Variants in NSD1 observed in about 807,000 individuals in gnomAD.
The protein encoded by NSD1 is nuclear receptor binding SET domain protein 1, also known as histone-lysine N-methyltransferase, H3 lysine-36 specific.
In NSD1, 26 loss-of-function variants were observed where a neutral mutation model predicts 242.7. The ratio of observed to expected loss-of-function variants is 0.11; its 90% CI spans 0.08 to 0.15. The LOEUF (loss-of-function observed/expected upper bound fraction) is 0.15, where lower values mean the gene tolerates loss of function less well. NSD1 is among the 10% of genes least tolerant of loss of function. The pLI is 1.00. For missense variants in NSD1, 2,495 were observed against 3,272.8 expected (o/e 0.76, Z 5.80); for synonymous variants, 1,106 against 1,178.1 (o/e 0.94, Z 1.25).
chr5:177,173,397 G>T (rs142287577), intron 2 of NSD1, among the ~76,000 whole-genome samples: 2 of 150,398 alleles, frequency 1.3e-5, no homozygotes, highest in East Asian at 3.9e-4. Context: ...CTTTTGTGCT[G>T]TGATGGGAGG....
At chr5:177,273,974 G>A (rs949710770) in intron 17 of NSD1, among the ~76,000 whole-genome samples, 190 bp downstream of exon 17, 8 of 152,182 alleles carry the variant, frequency 5.3e-5, no homozygotes, top group African/African-American at 1.4e-4. Context: ...GGGAGGCCGA[G>A]GCGGGCGGAT....
rs549367419 is a variant in NSD1, at chr5:177,232,561, T to TAG, written c.3797-3259_3797-3258insGA. 1.2e-4 allele frequency among the ~76,000 whole-genome samples: 18 copies of TAG among 152,322 alleles called. No homozygotes were observed. In the South Asian group the frequency reaches 3.3e-3, roughly 28 times the overall value. On this transcript the variant is annotated intron_variant, in intron 5 of 22. Transcript: ENST00000439151. ...CTTCCATCACCCTTCAGCTTAGATGTATCTTTTGCATGCACAGCCGGATTT... is the reference window on the plus strand; with the variant it reads ...CTTCCATCACCCTTCAGCTTAGATGTAGATCTTTTGCATGCACAGCCGGATTT...
At chr5:177,221,423 A>G (rs1218594357) in intron 5 of NSD1, among the ~76,000 whole-genome samples, 1 of 151,830 alleles carries the variant, frequency 6.6e-6, no homozygotes, top group Non-Finnish European at 1.5e-5. Context: ...ACAGTAATCT[A>G]TTTTAAGCTG....
rs775574988 is a variant in NSD1, at chr5:177,294,488, T to A, written c.7120T>A (p.Ser2374Thr). The A allele has an allele frequency of 5.6e-6, 9 of 1,614,174 alleles. No individual in the cohort carries two copies. The highest frequency in any genetic ancestry group is 7.6e-6 in the Non-Finnish European group (9 of 1,180,026). ...AGGTGCTGCCAGCCCAAGGCCCCAG[T>A]CACTGGAGAAAACCTCAGTTCCCAC... ...SIGAASPRPQ[S>T]LEKTSVPTGL... The change falls in exon 23 of 23, where the codon TCA (serine) becomes ACA (threonine). Residue 2374 changes from serine (S) to threonine (T), a missense_variant. This residue lies in a region of NSD1 where 475 missense variants were observed against 563.7 expected (regional missense o/e 0.84). Coordinates refer to ENST00000439151, the MANE Select transcript of NSD1 (RefSeq NM_022455.5).
intron 2 of NSD1, among the ~76,000 whole-genome samples, chr5:177,184,140 A>G (rs370990632): frequency 6.6e-6 from 1 of 152,194 alleles, no homozygotes; most frequent in Non-Finnish European, 1.5e-5. Flanking sequence ...CCTTTTCTGT[A>G]TATAGCTAGT....
At chr5:177,167,681 T>C (rs1304247781) in intron 2 of NSD1, among the ~76,000 whole-genome samples, 2 of 152,176 alleles carry the variant, frequency 1.3e-5, no homozygotes, top group South Asian at 2.1e-4. Context: ...TTCAGTCTTA[T>C]TTTATTTTCC....
intron 10 of NSD1, among the ~76,000 whole-genome samples, chr5:177,247,536 G>A (rs1766395819): frequency 6.7e-6 from 1 of 149,016 alleles, no homozygotes. Flanking sequence ...AGACCAACCT[G>A]TGAAATACAG....
chr5:177,186,201 G>C (rs1761219531), intron 2 of NSD1, among the ~76,000 whole-genome samples: 2 of 143,890 alleles, frequency 1.4e-5, no homozygotes, highest in South Asian at 4.2e-4. Context: ...TGAGGGGGAA[G>C]GATTGCTTGA....
chr5:177,217,038 CA>C (rs369105083), intron 5 of NSD1, among the ~76,000 whole-genome samples: 4 of 144,574 alleles, frequency 2.8e-5, no homozygotes, highest in African/African-American at 2.5e-5. Flanking sequence ...TTTATTTCTG[CA>C]AAAAAAAATG....
Position 177,213,511 on chromosome 5 carries a change from A to C in NSD1, c.3796+1316A>C, listed in dbSNP as rs554953365. Among the ~76,000 whole-genome samples, 38 of 151,966 alleles carry C rather than the reference A, an allele frequency of 2.5e-4. 3 individuals are homozygous for C. Among genetic ancestry groups the C allele is most frequent in the African/African-American group, 8.4e-4 (35 of 41,450 alleles). On this transcript the variant is annotated intron_variant, in intron 5 of 22. Transcript: ENST00000439151. The stretch of plus-strand genomic sequence containing the variant: ...GAGACGGAGTCTCGCTCTGTTACCC[A>C]GGCTGGAGTGCCGTGGCGTGATCTC...
At chr5:177,271,126 T>C (rs1049450963) in intron 16 of NSD1, among the ~76,000 whole-genome samples, 2 of 152,174 alleles carry the variant, frequency 1.3e-5, no homozygotes, top group Non-Finnish European at 2.9e-5. Context: ...TAGGTGCCTC[T>C]GACTTCTTCG....
chr5:177,144,880 A>G (rs1757105434), intron 2 of NSD1, among the ~76,000 whole-genome samples: 1 of 152,070 alleles, frequency 6.6e-6, no homozygotes, highest in East Asian at 1.9e-4. Context: ...CAGGAGTTCA[A>G]GACCAGCCTG....
Position 177,210,525 on chromosome 5 carries a change from C to T in NSD1, c.2126C>T (p.Thr709Ile). Reference protein sequence around the residue: ...KQKPLISNSHTDHLMGCTKSA... With the variant: ...KQKPLISNSHIDHLMGCTKSA... The stretch of plus-strand genomic sequence containing the variant: ...AAGCCTCTCATTAGTAACTCACATA[C>T]AGACCACTTAATGGGTTGTACTAAG... The change falls in exon 5 of 23, where the codon ACA (threonine) becomes ATA (isoleucine). Residue 709 changes from threonine (T) to isoleucine (I), a missense_variant. Physicochemically the swap from Thr to Ile is moderately conservative, Grantham distance 89 (BLOSUM62 -1). Coordinates refer to ENST00000439151, the MANE Select transcript of NSD1 (RefSeq NM_022455.5). 1 of 1,614,194 alleles carries T rather than the reference C, an allele frequency of 6.2e-7. No individual in the cohort carries two copies. The highest frequency in any genetic ancestry group is 1.7e-5 in the Admixed American group (1 of 60,018).
intron 8 of NSD1, 85 bp downstream of exon 8, chr5:177,239,950 A>G (rs1765723495): frequency 1.3e-6 from 1 of 773,552 alleles, no homozygotes; most frequent in Non-Finnish European, 2.2e-6. Context: ...CAGTTATAAC[A>G]TTGATGTACA....
chr5:177,262,231 T>C (rs1757052387), intron 14 of NSD1, among the ~76,000 whole-genome samples: 1 of 152,202 alleles, frequency 6.6e-6, no homozygotes. Context: ...AAATTATCTT[T>C]GTTATTACCC....
intron 2 of NSD1, among the ~76,000 whole-genome samples, chr5:177,190,202 T>A (rs1761553457): frequency 6.6e-6 from 1 of 152,042 alleles, no homozygotes; most frequent in Non-Finnish European, 1.5e-5. Flanking sequence ...AGTGATCCTG[T>A]CACCTCAGCC....
At chr5:177,185,919 T>TA (rs1761138926) in intron 2 of NSD1, among the ~76,000 whole-genome samples, 2 of 81,482 alleles carry the variant, frequency 2.5e-5, no homozygotes, top group Admixed American at 2.0e-4. Context: ...ATTATATATA[T>TA]TTATATATAT....
chr5:177,140,334 T>C (rs1000088425), intron 2 of NSD1, among the ~76,000 whole-genome samples: 27 of 152,248 alleles, frequency 1.8e-4, no homozygotes, highest in African/African-American at 6.5e-4. Context: ...TTGTTGGAGA[T>C]TGCTTGGGTA....
At chr5:177,249,584 A>C (rs1272960591) in intron 11 of NSD1, among the ~76,000 whole-genome samples, 1 of 151,460 alleles carries the variant, frequency 6.6e-6, no homozygotes, top group African/African-American at 2.4e-5. Flanking sequence ...CTCCTGCCTC[A>C]GCCTCCCATT....
Sources: gnomAD v4.1 joint callset for allele counts (sites outside exome capture counted in the v4.1 genomes callset) on GRCh38, gnomAD v4.1.1 for gene constraint, gnomAD v4.1.1 regional missense constraint, MANE v1.5 for transcripts, NCBI Gene and HGNC (gene_info 2026-07-23, HGNC 2026-07-21) for gene names.